The following ABCA9 variants were observed in gnomAD, a reference collection of about 807,000 sequenced individuals.
ABCA9 encodes the protein ATP-binding cassette sub-family A member 9.
In ABCA9, 183 loss-of-function variants were observed where a neutral mutation model predicts 205.3. The observed-to-expected ratio is 0.89, with a 90% CI of 0.79 to 1.01. The LOEUF (loss-of-function observed/expected upper bound fraction) is 1.01. Among genes scored for constraint, ABCA9 ranks in the 50% least tolerant of loss-of-function variants. The pLI, the probability that ABCA9 is intolerant of heterozygous loss-of-function variation, is 0.00. For missense variants in ABCA9, 1,805 were observed against 1,912.4 expected, an observed-to-expected ratio of 0.94 and a Z score of 1.05; for synonymous variants, 651 against 683.3, an observed-to-expected ratio of 0.95 and a Z score of 0.74.
chr17:69,006,299 G>C (rs898963658), intron 25 of ABCA9, among the ~76,000 whole-genome samples: 1 of 152,066 alleles, frequency 6.6e-6, no homozygotes, highest in Admixed American at 6.6e-5. Flanking sequence ...TACATCTCAA[G>C]ATATACACAC....
At chr17:69,025,978 C>A (rs2070966967) in intron 16 of ABCA9, among the ~76,000 whole-genome samples, 1 of 151,076 alleles carries the variant, frequency 6.6e-6, no homozygotes, top group Non-Finnish European at 1.5e-5. Flanking sequence ...TAATTATTAT[C>A]AGTAAGAGAA....
At chr17:69,018,227 A>C (rs1296530767) in intron 20 of ABCA9, 186 bp downstream of exon 20, 1 of 517,560 alleles carries the variant, frequency 1.9e-6, no homozygotes, top group Admixed American at 4.1e-5. Context: ...GTAAACTTGC[A>C]GAATCTATTT....
intron 31 of ABCA9, 151 bp from the exon 32 acceptor site, chr17:68,986,475 A>G: frequency 1.4e-6 from 1 of 698,004 alleles, no homozygotes; most frequent in Non-Finnish European, 2.1e-6. Flanking sequence ...TTTGGGGAAA[A>G]GGTGGTAAAA....
In ABCA9 at chr17:69,016,296, T is replaced by A; in HGVS notation, c.2996A>T (p.Asn999Ile). ...VISNGLLGIF[N>I]SSEHIQTDRS... ...GTCAGTCTGAATGTGTTCTGACGAA[T>A]TAAAAATTCCAAGTAGTCCATTGCT... Residue 999 changes from asparagine to isoleucine, a missense_variant, in exon 22 of 39, where the codon AAT (asparagine) becomes ATT (isoleucine). Physicochemically the swap from Asn to Ile is moderately radical, Grantham distance 149. Coordinates refer to ENST00000340001, the MANE Select transcript of ABCA9 (RefSeq NM_080283.4). 2 of 1,600,770 alleles carry A rather than the reference T, an allele frequency of 1.2e-6. No individual in the cohort carries two copies. The highest frequency in any genetic ancestry group is 1.7e-6 in the Non-Finnish European group (2 of 1,175,186).
rs1050609383 is a variant in ABCA9 at position 69,045,219 on chromosome 17, GA to G, written c.421del (p.Ser141LeufsTer8). ...TDTFSYHLKF[S>X]WGHRIPMMKE... Reference sequence around the variant, plus strand: ...CATCATGGGGATTCTATGTCCCCAAGAAAACTTCAAATGGTAGGAGAAGGTA... The same window carrying G: ...CATCATGGGGATTCTATGTCCCCAAGAAACTTCAAATGGTAGGAGAAGGTA... On this transcript the variant is annotated frameshift_variant, in exon 4 of 39. Coordinates refer to ENST00000340001, the MANE Select transcript of ABCA9 (RefSeq NM_080283.4). LOFTEE classifies it high-confidence loss of function. The G allele has an allele frequency of 3.7e-6, 6 of 1,613,014 alleles. No individual in the cohort carries two copies. The African/African-American group carries it at 8.0e-5, about 22-fold the overall frequency.
At chr17:68,994,310 C>G (rs991401949) in intron 26 of ABCA9, among the ~76,000 whole-genome samples, 1 of 152,222 alleles carries the variant, frequency 6.6e-6, no homozygotes, top group Non-Finnish European at 1.5e-5. Context: ...ACTTCATTTT[C>G]TAGCTTAGAA....
intron 37 of ABCA9, among the ~76,000 whole-genome samples, chr17:68,977,033 C>G (rs931413690): frequency 9.3e-6 from 1 of 108,088 alleles, no homozygotes; most frequent in Admixed American, 9.6e-5. Context: ...TATCTGGAAA[C>G]ATGTGAAGAA....
chr17:69,044,469 G>A (rs2071645252), intron 5 of ABCA9, 28 bp downstream of exon 5: 2 of 1,584,786 alleles, frequency 1.3e-6, no homozygotes, highest in Admixed American at 1.7e-5. Flanking sequence ...AATGCAATGT[G>A]GTTAGATTCC....
Position 69,007,740 on chromosome 17 carries a change from G to T in ABCA9, c.3435+19C>A. On this transcript the variant is annotated intron_variant, in intron 25 of 38. Transcript: ENST00000340001. The stretch of plus-strand genomic sequence containing the variant: ...TTTATGAAAAATGGTAAAATAATAG[G>T]TAGTATATGCATACTCACAATTAAG... 2 of 1,348,032 alleles carry T rather than the reference G, an allele frequency of 1.5e-6. No homozygotes were observed. Among genetic ancestry groups the T allele is most frequent in the Middle Eastern group, 1.9e-4 (1 of 5,292 alleles). 83.5% of individuals were successfully genotyped at this position (1,348,032 alleles called of 1,614,324 possible). A position where few individuals can be genotyped will look rare whatever the true frequency, so the allele number is the denominator to read the frequency against.
Position 69,048,344 on chromosome 17 carries a change from G to A in ABCA9, c.304+939C>T, listed in dbSNP as rs567063896. Reference sequence around the variant, plus strand: ...TTTCTGATTTTGGGTTTTAGAATTAGGGGTGCTCAACCTGTATCATCCTCT... The same window carrying A: ...TTTCTGATTTTGGGTTTTAGAATTAAGGGTGCTCAACCTGTATCATCCTCT... On this transcript the variant is annotated intron_variant, in intron 3 of 38. Transcript: ENST00000340001. 2.0e-5 allele frequency among the ~76,000 whole-genome samples: 3 copies of A among 152,294 alleles called. No homozygotes were observed. The South Asian group carries it at 6.2e-4, about 32-fold the overall frequency.
chr17:69,027,109 C>T lies in ABCA9; in HGVS notation c.1917G>A (p.Leu639=). The change falls in exon 15 of 39, where the codon TTG becomes TTA. Residue 639 remains leucine, a synonymous_variant. Transcript: ENST00000340001. ...ATCCAGCAGTCGGTTCATCCAATAGCAAAACCTGGACAGGAGGAAAGTCCT... is the reference window on the plus strand; with the variant it reads ...ATCCAGCAGTCGGTTCATCCAATAGTAAAACCTGGACAGGAGGAAAGTCCT... ...GIAILGDPQV[L]LLDEPTAGLD... The T allele has an allele frequency of 6.2e-7, 1 of 1,613,864 alleles. No homozygotes were observed.
rs1567905962 is a variant in ABCA9 at position 68,975,905 on chromosome 17, AT to A, written c.*9del. 1 of 1,597,514 alleles carries A rather than the reference AT, an allele frequency of 6.3e-7. No homozygotes were observed. The highest frequency in any genetic ancestry group is 1.1e-5 in the South Asian group (1 of 89,912). On this transcript the variant is annotated 3_prime_UTR_variant, in exon 39 of 39. Transcript: ENST00000340001. ...ACAGGATTAAAGAAAGATATAGGGT[AT>A]TTGGAGCTTTAAGGCTCTTCCTGCA...
chr17:69,008,762 G>T (rs550640588), intron 23 of ABCA9, among the ~76,000 whole-genome samples: 1 of 152,158 alleles, frequency 6.6e-6, no homozygotes, highest in Non-Finnish European at 1.5e-5. Flanking sequence ...TTGTCTTGCC[G>T]TAAGTCATAT....
intron 31 of ABCA9, among the ~76,000 whole-genome samples, chr17:68,987,758 G>GTTTT (rs72302464): frequency 1.0e-4 from 10 of 95,416 alleles, no homozygotes; most frequent in East Asian, 2.2e-4. Context: ...TTGTTTGTTT[G>GTTTT]TTTGTTTGTT....
the ABCA9 span, among the ~76,000 whole-genome samples, chr17:69,073,069 A>G: frequency 6.6e-6 from 1 of 152,250 alleles, no homozygotes; most frequent in African/African-American, 2.4e-5. Context: ...ATATATATGC[A>G]TCCAATACAG....
chr17:69,039,086 A>G (rs913881163), intron 6 of ABCA9, among the ~76,000 whole-genome samples: 2 of 152,228 alleles, frequency 1.3e-5, no homozygotes, highest in African/African-American at 4.8e-5. Flanking sequence ...ATGGAAAAAC[A>G]TTCCATGCTC....
At chr17:69,006,479 T>C (rs1419472006) in intron 25 of ABCA9, among the ~76,000 whole-genome samples, 2 of 152,364 alleles carry the variant, frequency 1.3e-5, no homozygotes, top group Non-Finnish European at 2.9e-5. Flanking sequence ...CTGGTTGTTA[T>C]CAAATGCAAC....
At chr17:68,984,214 T>A in intron 34 of ABCA9, 39 bp from the exon 35 acceptor site, 2 of 1,600,294 alleles carry the variant, frequency 1.2e-6, no homozygotes, top group Non-Finnish European at 8.5e-7. Context: ...CTCATGGGAA[T>A]GCTCAAGGTA....
intron 26 of ABCA9, among the ~76,000 whole-genome samples, chr17:68,994,144 G>C (rs572996297): frequency 1.3e-5 from 2 of 152,276 alleles, no homozygotes; most frequent in South Asian, 4.1e-4. Flanking sequence ...CCAAAGTGCT[G>C]GGATTACAGG....
Sources: allele counts gnomAD v4.1 joint callset (sites outside exome capture counted in the v4.1 genomes callset), GRCh38; gene constraint gnomAD v4.1.1; transcripts MANE v1.5; gene names NCBI Gene and HGNC (gene_info 2026-07-23, HGNC 2026-07-21).